The following KLF15 variants were observed in gnomAD, a reference collection of about 807,000 sequenced individuals.
The protein encoded by KLF15 is KLF transcription factor 15.
Under a neutral mutation model 24.6 loss-of-function variants are expected in KLF15, and 4 were observed. The observed-to-expected ratio is 0.16, with a 90% confidence interval of 0.08 to 0.37. The LOEUF is 0.37. Among genes scored for constraint, KLF15 ranks in the 10% least tolerant of loss-of-function variants. The pLI, the probability that KLF15 is intolerant of heterozygous loss-of-function variation, is 1.00. For synonymous variants in KLF15, 246 were observed against 236.3 expected (o/e 1.04, Z -0.37); for missense variants, 496 against 560.6 (o/e 0.88, Z 1.16).
At chr3:126,350,791 C>T (rs1045089128) in intron 2 of KLF15, among the ~76,000 whole-genome samples, 22 of 152,254 alleles carry the variant, frequency 1.4e-4, no homozygotes, top group African/African-American at 5.1e-4. Flanking sequence ...TGTGCACACA[C>T]ACAGCCACAC....
At chr3:126,338,515 T>C (rs1169775749), downstream of KLF15, among the ~76,000 whole-genome samples, 1 of 152,220 alleles carries the variant, frequency 6.6e-6, no homozygotes, top group East Asian at 1.9e-4. Flanking sequence ...TCATGCGTAA[T>C]GCAAAGACTT....
chr3:126,323,441 T>G, the KLF15 span, among the ~76,000 whole-genome samples: 1 of 58,152 alleles, frequency 1.7e-5, no homozygotes, highest in Non-Finnish European at 3.4e-5. Context: ...ATATAACATA[T>G]ATATGTTATA....
chr3:126,291,247 A>G, the KLF15 span: 1 of 152,346 alleles, frequency 6.6e-6, no homozygotes, highest in Non-Finnish European at 1.5e-5. Context: ...AGCCCACGAT[A>G]TTTTTTAATG....
the KLF15 span, among the ~76,000 whole-genome samples, chr3:126,309,563 C>T: frequency 5.9e-5 from 9 of 152,206 alleles, no homozygotes; most frequent in Non-Finnish European, 1.2e-4. Context: ...TATTAATCGG[C>T]GCACACATGT....
chr3:126,352,708 C>T lies in KLF15; in HGVS notation c.215G>A (p.Ser72Asn), dbSNP rs760831078. Residue 72 changes from serine to asparagine, a missense_variant, in exon 2 of 3, where the codon AGC (serine) becomes AAC (asparagine). By Grantham distance (46) the Ser-to-Asn change is conservative. Coordinates refer to ENST00000296233, the MANE Select transcript of KLF15 (RefSeq NM_014079.4). ...TAGGAAGTCCAAGATGCTGTCCTGG[C>T]TCTCGGTGCCCAGGCCTCCACCATA... ...SCYGGGLGTE[S>N]QDSILDFLLS... 8.2e-6 allele frequency: 13 copies of T among 1,582,164 alleles called. No individual in the cohort carries two copies. Among genetic ancestry groups the T allele is most frequent in the Non-Finnish European group, 1.1e-5 (13 of 1,164,388 alleles).
the KLF15 span, among the ~76,000 whole-genome samples, chr3:126,300,843 G>A: frequency 6.6e-6 from 1 of 152,208 alleles, no homozygotes. Context: ...CCTGGTAGAG[G>A]AAGCACAAGG....
At chr3:126,341,742 C>A (rs911792056), downstream of KLF15, among the ~76,000 whole-genome samples, 1 of 152,122 alleles carries the variant, frequency 6.6e-6, no homozygotes, top group Non-Finnish European at 1.5e-5. Flanking sequence ...GGGTGCCCTA[C>A]CCCCAGCCTC....
At chr3:126,345,981 GC>G (rs1189326416) in intron 2 of KLF15, among the ~76,000 whole-genome samples, 3 of 152,348 alleles carry the variant, frequency 2.0e-5, no homozygotes, top group South Asian at 4.1e-4. Context: ...ACAAGACAGG[GC>G]CCCTGAGGCT....
chr3:126,352,123 A>G lies in KLF15; in HGVS notation c.800T>C (p.Val267Ala). 1 of 1,559,242 alleles carries G rather than the reference A, an allele frequency of 6.4e-7. No homozygotes were observed. The highest frequency in any genetic ancestry group is 1.2e-5 in the South Asian group (1 of 84,358). Residue 267 changes from valine (V) to alanine (A), a missense_variant, in exon 2 of 3, where the codon GTA becomes GCA. By Grantham distance (64) the Val-to-Ala change is moderately conservative. Transcript: ENST00000296233. Reference sequence around the variant, plus strand: ...GGGCAGGTTCAAGTTGGAGGAGGGTACCACCTGGGGCACGAGTGCGAAGGT... The same window carrying G: ...GGGCAGGTTCAAGTTGGAGGAGGGTGCCACCTGGGGCACGAGTGCGAAGGT... The part of the protein sequence containing the change: ...GQTFALVPQV[V>A]PSSNLNLPSK...
the KLF15 span, among the ~76,000 whole-genome samples, chr3:126,298,584 GA>G: frequency 6.6e-6 from 1 of 152,162 alleles, no homozygotes; most frequent in East Asian, 1.9e-4. Flanking sequence ...TCATCTTCTA[GA>G]ATCTTTATGG....
Position 126,351,937 on chromosome 3 carries a change from C to T in KLF15, c.986G>A (p.Ser329Asn). 4 of 1,613,620 alleles carry T rather than the reference C, an allele frequency of 2.5e-6. No homozygotes were observed. Among genetic ancestry groups the T allele is most frequent in the Non-Finnish European group, 3.4e-6 (4 of 1,179,780 alleles). ...GTGGCTGCTTTTGGTGTACATCTTG[C>T]TGCAGCCAGGGAAAGTACATTTGTG... Reference protein sequence around the residue: ...KMHKCTFPGCSKMYTKSSHLK... With the variant: ...KMHKCTFPGCNKMYTKSSHLK... Residue 329 changes from serine (S) to asparagine (N), a missense_variant, in exon 2 of 3, where the codon AGC becomes AAC. By Grantham distance (46) the Ser-to-Asn change is conservative. Coordinates refer to ENST00000296233, the MANE Select transcript of KLF15 (RefSeq NM_014079.4).
downstream of KLF15, among the ~76,000 whole-genome samples, chr3:126,341,710 C>A (rs1052540958): frequency 6.6e-6 from 1 of 152,342 alleles, no homozygotes; most frequent in African/African-American, 2.4e-5. Context: ...CACATTCAGA[C>A]ATCTCTCTGC....
the KLF15 span, among the ~76,000 whole-genome samples, chr3:126,296,736 A>T: frequency 1.2e-4 from 18 of 152,342 alleles, no homozygotes; most frequent in African/African-American, 4.3e-4. Context: ...GTTTGTTCTG[A>T]AGGGAATACA....
At chr3:126,292,979 G>A in the KLF15 span, among the ~76,000 whole-genome samples, 1 of 151,978 alleles carries the variant, frequency 6.6e-6, no homozygotes, top group Admixed American at 6.6e-5. Context: ...TTTGGAGGCA[G>A]AGCAAACAGG....
chr3:126,305,467 A>T, the KLF15 span, among the ~76,000 whole-genome samples: 1 of 152,204 alleles, frequency 6.6e-6, no homozygotes, highest in African/African-American at 2.4e-5. Context: ...CCAGCATCAC[A>T]TCCATGTTCA....
At position 126,343,100 on chromosome 3, in the gene KLF15, T is replaced by A. The variant is rs923290444; in HGVS notation, c.*627A>T. 8.8e-6 allele frequency: 1 copy of A among 113,396 alleles called. No individual in the cohort carries two copies. Among genetic ancestry groups the A allele is most frequent in the Admixed American group, 1.1e-4 (1 of 9,170 alleles). The allele number at this position is 113,396 out of a possible 1,614,324, so 7.0% of individuals were successfully genotyped here. A position where few individuals can be genotyped will look rare whatever the true frequency, so the allele number is the denominator to read the frequency against. ...AGCACATGCACTGCCAGCCCCCTAG[T>A]GGGGGACGCTTTTCACCTCTCTCCC... On this transcript the variant is annotated 3_prime_UTR_variant, in exon 3 of 3. Coordinates refer to ENST00000296233, the MANE Select transcript of KLF15 (RefSeq NM_014079.4).
the KLF15 span, among the ~76,000 whole-genome samples, chr3:126,329,307 T>C: frequency 6.6e-6 from 1 of 152,190 alleles, no homozygotes; most frequent in Non-Finnish European, 1.5e-5. Flanking sequence ...TTATCTGTTA[T>C]AACACCACAT....
chr3:126,346,941 C>T (rs1044197305), intron 2 of KLF15, among the ~76,000 whole-genome samples: 3 of 152,212 alleles, frequency 2.0e-5, no homozygotes, highest in African/African-American at 7.2e-5. Context: ...TTCCTGAGGA[C>T]TGTGAGGATT....
chr3:126,357,043 A>C (rs2082639138), intron 1 of KLF15, among the ~76,000 whole-genome samples, 194 bp downstream of exon 1: 5 of 147,206 alleles, frequency 3.4e-5, no homozygotes, highest in African/African-American at 1.3e-4. Context: ...GGGGGGGGTC[A>C]CCTCCCCCGG....
Sources: gnomAD v4.1 joint callset for allele counts (sites outside exome capture counted in the v4.1 genomes callset) on GRCh38, gnomAD v4.1.1 for gene constraint, MANE v1.5 for transcripts, NCBI Gene and HGNC (gene_info 2026-07-23, HGNC 2026-07-21) for gene names.